Variants in ECM2 observed in about 807,000 individuals in gnomAD.
ECM2 encodes the protein extracellular matrix protein 2, also known as extracellular matrix protein 2, female organ and adipocyte specific.
In ECM2, 57 loss-of-function variants were observed where a neutral mutation model predicts 67.5. That is an observed-to-expected ratio of 0.84 (90% CI 0.68 to 1.05). The LOEUF (loss-of-function observed/expected upper bound fraction) is 1.05. Among genes scored for constraint, ECM2 ranks in the 50% least tolerant of loss-of-function variants. ECM2 has a pLI of 0.00. For synonymous variants in ECM2, 258 were observed against 294.5 expected, an observed-to-expected ratio of 0.88 and a Z score of 1.27; for missense variants, 741 against 822.8, an observed-to-expected ratio of 0.90 and a Z score of 1.22.
At chr9:92,541,625 C>T (rs184863929), upstream of ECM2, among the ~76,000 whole-genome samples, 11 of 151,820 alleles carry the variant, frequency 7.2e-5, no homozygotes, top group South Asian at 2.1e-4. Flanking sequence ...TAATGTCCTC[C>T]GGGTTCATCC....
chr9:92,546,297 A>G, the ECM2 span, among the ~76,000 whole-genome samples: 2 of 152,226 alleles, frequency 1.3e-5, no homozygotes, highest in African/African-American at 4.8e-5. Flanking sequence ...CAATAAAAGC[A>G]GGCTGCCCAA....
chr9:92,542,731 T>C, the ECM2 span, among the ~76,000 whole-genome samples: 1 of 152,186 alleles, frequency 6.6e-6, no homozygotes, highest in Non-Finnish European at 1.5e-5. Flanking sequence ...TGGCCAGGAT[T>C]GTCTTGATCT....
chr9:92,537,169 C>T (rs1373795362), upstream of ECM2, among the ~76,000 whole-genome samples: 1 of 151,866 alleles, frequency 6.6e-6, no homozygotes, highest in African/African-American at 2.4e-5. Context: ...AGCCACCGCA[C>T]CTGGCCTGAA....
intron 9 of ECM2, 97 bp downstream of exon 9, chr9:92,500,630 T>C (rs564850637): frequency 2.6e-4 from 333 of 1,263,054 alleles, no homozygotes; most frequent in Non-Finnish European, 3.5e-4. Context: ...CATTTTTTTT[T>C]CCCTTAACGT....
intron 1 of ECM2, among the ~76,000 whole-genome samples, chr9:92,530,870 A>G (rs536440057): frequency 1.3e-5 from 2 of 152,140 alleles, no homozygotes; most frequent in African/African-American, 2.4e-5. Flanking sequence ...TCCCATGTCT[A>G]TTGTTGCCAT....
At chr9:92,517,355 C>A (rs575981818) in intron 3 of ECM2, 5 of 479,984 alleles carry the variant, frequency 1.0e-5, no homozygotes, top group African/African-American at 7.8e-5. Context: ...CACATATAGA[C>A]CAAAGCAGAG....
chr9:92,496,279 G>T lies in ECM2; in HGVS notation c.*36C>A. ...ACAAATGCAGCTACTACAAATACAT[G>T]AGTAAAGTTTATAAACAGCAAAGGA... On this transcript the variant is annotated 3_prime_UTR_variant, in exon 10 of 10. Transcript: ENST00000344604. 1 of 1,545,956 alleles carries T rather than the reference G, an allele frequency of 6.5e-7. No individual in the cohort carries two copies. The highest frequency in any genetic ancestry group is 1.3e-5 in the South Asian group (1 of 76,952).
intron 1 of ECM2, among the ~76,000 whole-genome samples, chr9:92,532,375 G>A (rs1448881758): frequency 6.6e-6 from 1 of 151,990 alleles, no homozygotes; most frequent in Non-Finnish European, 1.5e-5. Flanking sequence ...GTGGCCTGAT[G>A]TTATTCATCA....
At chr9:92,553,991 G>T in the ECM2 span, among the ~76,000 whole-genome samples, 2 of 152,258 alleles carry the variant, frequency 1.3e-5, no homozygotes, top group African/African-American at 4.8e-5. Flanking sequence ...TCTCATTCCA[G>T]TTCTCAGAAT....
At chr9:92,554,664 G>T in the ECM2 span, among the ~76,000 whole-genome samples, 1 of 151,400 alleles carries the variant, frequency 6.6e-6, no homozygotes, top group Non-Finnish European at 1.5e-5. Context: ...CCGAGATGGA[G>T]TCTTGATCTG....
chr9:92,509,852 G>T, intron 6 of ECM2, 47 bp downstream of exon 6: 1 of 1,561,414 alleles, frequency 6.4e-7, no homozygotes. Context: ...GGACTATATA[G>T]GAAAGATTAT....
At chr9:92,508,263 G>A (rs1847124793) in intron 6 of ECM2, among the ~76,000 whole-genome samples, 2 of 152,216 alleles carry the variant, frequency 1.3e-5, no homozygotes, top group Admixed American at 6.5e-5. Context: ...GGGGGTATCT[G>A]AGCCGGAGGA....
the ECM2 span, among the ~76,000 whole-genome samples, chr9:92,550,936 C>T: frequency 6.6e-6 from 1 of 152,182 alleles, no homozygotes; most frequent in Admixed American, 6.5e-5. Flanking sequence ...CTTTCCCCAG[C>T]TCCATATGAG....
At chr9:92,493,608 T>C (rs1416480428), downstream of ECM2, 2 of 152,624 alleles carry the variant, frequency 1.3e-5, no homozygotes, top group Non-Finnish European at 2.9e-5. Flanking sequence ...GTAATTATAG[T>C]GTAATTTTTG....
chr9:92,551,955 T>TATATATATG, the ECM2 span, among the ~76,000 whole-genome samples: 2 of 119,728 alleles, frequency 1.7e-5, no homozygotes, highest in Admixed American at 7.9e-5. Context: ...ATATATATGA[T>TATATATATG]ATATATATGT....
chr9:92,494,796 A>C (rs1588178292), downstream of ECM2, among the ~76,000 whole-genome samples: 1 of 152,128 alleles, frequency 6.6e-6, no homozygotes, highest in East Asian at 1.9e-4. Context: ...AGTCCCAGCT[A>C]CTCAGGAGGC....
Position 92,500,773 on chromosome 9 carries a change from C to G in ECM2, c.1885G>C (p.Glu629Gln), listed in dbSNP as rs2131151305. ...CTCAGAAAATGTAGTGCTTTCATTT[C>G]TTGTATCCCAGGTGGTATAGATTTT... ...DLKSIPPGIQ[E>Q]MKALHFLRLN... is the part of the protein sequence containing the mutation. Residue 629 changes from glutamate (E) to glutamine (Q), a missense_variant, in exon 9 of 10, where the codon GAA (glutamate) becomes CAA (glutamine). Coordinates refer to ENST00000344604, the MANE Select transcript of ECM2 (RefSeq NM_001393.4). 6.2e-7 allele frequency: 1 copy of G among 1,614,068 alleles called. No individual in the cohort carries two copies. Among genetic ancestry groups the G allele is most frequent in the South Asian group, 1.1e-5 (1 of 91,064 alleles).
chr9:92,542,508 CT>C, the ECM2 span, among the ~76,000 whole-genome samples: 65,572 of 145,594 alleles, frequency 0.45, 17,712 homozygotes, highest in African/African-American at 0.78. Flanking sequence ...TCTTTTCTTT[CT>C]TTTTTTTTTT....
At chr9:92,521,021 A>T (rs2131237695) in intron 2 of ECM2, among the ~76,000 whole-genome samples, 1 of 152,328 alleles carries the variant, frequency 6.6e-6, no homozygotes, top group East Asian at 1.9e-4. Flanking sequence ...CAGAAACAAG[A>T]TAGTGGTGAT....
Sources: gnomAD v4.1 joint callset for allele counts (sites outside exome capture counted in the v4.1 genomes callset) on GRCh38, gnomAD v4.1.1 for gene constraint, MANE v1.5 for transcripts, NCBI Gene and HGNC (gene_info 2026-07-23, HGNC 2026-07-21) for gene names.